The following COG1 variants were observed in gnomAD, a reference collection of about 807,000 sequenced individuals.
The protein encoded by COG1 is conserved oligomeric Golgi complex subunit 1.
In COG1, 61 loss-of-function variants were observed where a neutral mutation model predicts 102.2. The ratio of observed to expected loss-of-function variants is 0.60; its 90% CI spans 0.49 to 0.74. The LOEUF (loss-of-function observed/expected upper bound fraction) is 0.74, where lower values mean the gene tolerates loss of function less well. Ranked by LOEUF, COG1 falls within the 30% of genes least tolerant of loss-of-function variation. The probability of loss-of-function intolerance (pLI) is 0.00; values close to 1 mark genes in which losing one functional copy is unlikely to be tolerated. For missense variants in COG1, 1,164 were observed against 1,232.1 expected (o/e 0.94, Z 0.83); for synonymous variants, 454 against 493.6 (o/e 0.92, Z 1.06).
intron 4 of COG1, among the ~76,000 whole-genome samples, chr17:73,198,457 G>A (rs1189183652): frequency 6.6e-6 from 1 of 152,174 alleles, no homozygotes; most frequent in African/African-American, 2.4e-5. Flanking sequence ...GTGGTGGCAT[G>A]CCCCTGTGGT....
chr17:73,204,299 A>T (rs2061359065), intron 9 of COG1, among the ~76,000 whole-genome samples: 1 of 152,188 alleles, frequency 6.6e-6, no homozygotes, highest in African/African-American at 2.4e-5. Flanking sequence ...CCGTTTCCTT[A>T]GGGCCAAATG....
chr17:73,202,293 C>T (rs938793273), intron 7 of COG1, among the ~76,000 whole-genome samples: 3 of 152,158 alleles, frequency 2.0e-5, no homozygotes, highest in East Asian at 1.9e-4. Flanking sequence ...GAGCCGAGAT[C>T]GCACCACTGC....
In COG1 at chr17:73,200,572, T is replaced by C. The variant is rs529662304; in HGVS notation, c.1077T>C (p.Asn359=). ...DTLQKWIHMC[N]EDIKNGITNL... The stretch of plus-strand genomic sequence containing the variant: ...GAACATGATTCTGTTGCAGGTGTAA[T>C]GAAGACATTAAAAATGGGATCACCA... Residue 359 remains asparagine, a synonymous_variant, in exon 6 of 14, where the codon AAT becomes AAC. Coordinates refer to ENST00000299886, the MANE Select transcript of COG1 (RefSeq NM_018714.3). 3 of 1,614,070 alleles carry C rather than the reference T, an allele frequency of 1.9e-6. No homozygotes were observed. The highest frequency in any genetic ancestry group is 4.5e-5 in the East Asian group (2 of 44,874).
rs759358537 is a variant in COG1 at position 73,203,113 on chromosome 17, C to T, written c.2187C>T (p.Ser729=). The change falls in exon 8 of 14, where the codon AGC becomes AGT. Residue 729 remains serine (S), a synonymous_variant. Coordinates refer to ENST00000299886, the MANE Select transcript of COG1 (RefSeq NM_018714.3). ...TTCAGGAGGAGGCAGAGTCTGGCAG[C>T]AGTGTCACATCCAAGATCCGACTCC... ...LEIQEEAESG[S]SVTSKIRLPA... 1 of 1,614,066 alleles carries T rather than the reference C, an allele frequency of 6.2e-7. No homozygotes were observed. Among genetic ancestry groups the T allele is most frequent in the African/African-American group, 1.3e-5 (1 of 74,918 alleles).
intron 4 of COG1, among the ~76,000 whole-genome samples, chr17:73,198,452 G>A (rs2061333907): frequency 6.6e-6 from 1 of 152,128 alleles, no homozygotes; most frequent in Non-Finnish European, 1.5e-5. Context: ...TGTGTGTGGT[G>A]GCATGCCCCT....
chr17:73,196,690 A>T lies in COG1; in HGVS notation c.499A>T (p.Ser167Cys), dbSNP rs765721794. The change falls in exon 2 of 14, where the codon AGT (serine) becomes TGT (cysteine). Residue 167 changes from serine to cysteine, a missense_variant. Ser to Cys is a moderately radical substitution (Grantham distance 112). Transcript: ENST00000299886. Reference protein sequence around the residue: ...LQLDSSSSRYSPVLSRFPILI... With the variant: ...LQLDSSSSRYCPVLSRFPILI... ...GCTGGATTCTTCTAGTTCCCGATAC[A>T]GTCCCGTCCTCTCCCGGTTTCCTAT... 1 of 1,614,176 alleles carries T rather than the reference A, an allele frequency of 6.2e-7. No individual in the cohort carries two copies. Among genetic ancestry groups the T allele is most frequent in the South Asian group, 1.1e-5 (1 of 91,078 alleles).
intron 4 of COG1, among the ~76,000 whole-genome samples, chr17:73,199,455 C>T (rs1011418974): frequency 6.6e-6 from 1 of 152,236 alleles, no homozygotes; most frequent in Non-Finnish European, 1.5e-5. Context: ...GGCTGCCACA[C>T]TCCCTGATGG....
intron 4 of COG1, 62 bp from the exon 5 acceptor site, chr17:73,199,803 C>T: frequency 6.2e-7 from 1 of 1,606,302 alleles, no homozygotes; most frequent in Non-Finnish European, 8.5e-7. Flanking sequence ...GGCCTAACTC[C>T]CTGTTTCAAT....
chr17:73,199,208 C>CA (rs1244813026), intron 4 of COG1, among the ~76,000 whole-genome samples: 1 of 152,200 alleles, frequency 6.6e-6, no homozygotes, highest in African/African-American at 2.4e-5. Context: ...ATGAACGACT[C>CA]AGTTAATCAG....
intron 4 of COG1, among the ~76,000 whole-genome samples, chr17:73,199,452 A>C (rs1026082025): frequency 3.3e-5 from 5 of 152,176 alleles, no homozygotes; most frequent in Non-Finnish European, 7.4e-5. Flanking sequence ...GGCGGCTGCC[A>C]CACTCCCTGA....
At chr17:73,204,892 A>G (rs1322588807) in intron 9 of COG1, among the ~76,000 whole-genome samples, 1 of 151,194 alleles carries the variant, frequency 6.6e-6, no homozygotes, top group Non-Finnish European at 1.5e-5. Context: ...GTCAGGTGCG[A>G]TGGCTGACAC....
chr17:73,205,727 G>A, intron 10 of COG1, 47 bp downstream of exon 10: 1 of 1,611,636 alleles, frequency 6.2e-7, no homozygotes, highest in Non-Finnish European at 8.5e-7. Context: ...TCTTCCAAAA[G>A]CAAATAGTCC....
intron 1 of COG1, among the ~76,000 whole-genome samples, chr17:73,195,938 G>A (rs2061323579): frequency 1.3e-5 from 2 of 152,172 alleles, no homozygotes; most frequent in Admixed American, 6.5e-5. Flanking sequence ...GGACCTTAAG[G>A]GCATGATGAG....
At chr17:73,203,576 C>T (rs953540903) in intron 8 of COG1, 56 bp from the exon 9 acceptor site, 8 of 1,601,460 alleles carry the variant, frequency 5.0e-6, no homozygotes, top group Non-Finnish European at 6.0e-6. Context: ...TTCACTTTCA[C>T]TGTGTGTCAT....
intron 1 of COG1, among the ~76,000 whole-genome samples, chr17:73,193,804 A>T (rs560965574): frequency 1.4e-4 from 21 of 152,006 alleles, no homozygotes; most frequent in African/African-American, 4.8e-4. Context: ...TTTCTTCCTC[A>T]TCCCAACCTT....
intron 8 of COG1, 135 bp downstream of exon 8, chr17:73,203,281 ATAG>A: frequency 1.7e-6 from 2 of 1,157,838 alleles, no homozygotes; most frequent in South Asian, 1.3e-5. Flanking sequence ...CTGTGGGGGC[ATAG>A]TAGATGTAGG....
rs753508914 is a variant in COG1 at position 73,206,236 on chromosome 17, C to G, written c.2593C>G (p.Leu865Val). 6.2e-7 allele frequency: 1 copy of G among 1,614,108 alleles called. No homozygotes were observed. Among genetic ancestry groups the G allele is most frequent in the Admixed American group, 1.7e-5 (1 of 60,016 alleles). The stretch of plus-strand genomic sequence containing the variant: ...TTTCACGCCACACCTCAACAGCAAC[C>G]TTCATCGCCTGGTGCAGCGAACTTC... The part of the protein sequence containing the change: ...DVFTPHLNSN[L>V]HRLVQRTSVL... The change falls in exon 11 of 14, where the codon CTT (leucine) becomes GTT (valine). Residue 865 changes from leucine (L) to valine (V), a missense_variant. Leu to Val is a conservative substitution (Grantham distance 32). Coordinates refer to ENST00000299886, the MANE Select transcript of COG1 (RefSeq NM_018714.3).
At chr17:73,208,095 C>T in intron 13 of COG1, 1 of 1,442,394 alleles carries the variant, frequency 6.9e-7, no homozygotes, top group Non-Finnish European at 9.1e-7. Context: ...TTTCCCAAGA[C>T]AGTCCTCATT....
chr17:73,208,097 G>A (rs752836568), intron 13 of COG1: 32 of 1,444,720 alleles, frequency 2.2e-5, no homozygotes, highest in East Asian at 1.5e-4. Context: ...TCCCAAGACA[G>A]TCCTCATTTC....
Sources: gnomAD v4.1 joint callset for allele counts (sites outside exome capture counted in the v4.1 genomes callset) on GRCh38, gnomAD v4.1.1 for gene constraint, MANE v1.5 for transcripts, NCBI Gene and HGNC (gene_info 2026-07-23, HGNC 2026-07-21) for gene names.